The following ANOS1 variants were observed in gnomAD, a reference collection of about 807,000 sequenced individuals.
The protein encoded by ANOS1 is anosmin 1.
ANOS1 carries 6 observed loss-of-function variants against 59.0 expected under a neutral mutation model. The ratio of observed to expected loss-of-function variants is 0.10; its 90% confidence interval spans 0.06 to 0.20. The LOEUF is 0.20. ANOS1 is among the 10% of genes least tolerant of loss of function. The pLI is 1.00. For missense variants in ANOS1, 433 were observed against 542.3 expected (o/e 0.80, Z 2.00); for synonymous variants, 217 against 223.4 (o/e 0.97, Z 0.25).
chrX:8,668,430 T>TATATATACAC (rs1394731479), intron 2 of ANOS1, among the ~76,000 whole-genome samples: 55 of 80,220 alleles, frequency 6.9e-4, no homozygotes, highest in African/African-American at 1.5e-3. Context: ...TATATATATA[T>TATATATACAC]ACACACACAT....
intron 4 of ANOS1, among the ~76,000 whole-genome samples, chrX:8,593,379 C>T (rs148854226): frequency 4.9e-3 from 543 of 111,604 alleles, no homozygotes; most frequent in Non-Finnish European, 8.5e-3. Flanking sequence ...AAAGGTAAAC[C>T]GGGGAAATGT....
rs756663474 is a variant in ANOS1, at chrX:8,643,654, AG to A, written c.256-19985del. 2.4e-3 allele frequency among the ~76,000 whole-genome samples: 274 copies of A among 112,375 alleles called. 2 individuals are homozygous for A. The highest frequency in any genetic ancestry group is 8.3e-3 in the African/African-American group (256 of 30,984). On this transcript the variant is annotated intron_variant, in intron 2 of 13. Coordinates refer to ENST00000262648, the MANE Select transcript of ANOS1 (RefSeq NM_000216.4). ...TGTGAGGAAAAATGCACATCTGTAA[AG>A]AATCCCTATTAACATAGCTAGACCT...
At chrX:8,621,231 T>A in intron 3 of ANOS1, among the ~76,000 whole-genome samples, 1 of 109,703 alleles carries the variant, frequency 9.1e-6, no homozygotes, top group East Asian at 2.9e-4. Context: ...CTGAGCATGG[T>A]GGTGCACGCC....
intron 2 of ANOS1, among the ~76,000 whole-genome samples, chrX:8,691,834 A>G (rs747492826): frequency 1.2e-4 from 14 of 112,147 alleles, no homozygotes; most frequent in Non-Finnish European, 2.4e-4. Flanking sequence ...TGATCATCAC[A>G]TTTTAACACT....
At chrX:8,672,625 G>A (rs1183141752) in intron 2 of ANOS1, among the ~76,000 whole-genome samples, 18 of 111,862 alleles carry the variant, frequency 1.6e-4, no homozygotes, top group Non-Finnish European at 3.4e-4. Context: ...CTTATCTCCT[G>A]TCTCCTGGAT....
Position 8,731,852 on chromosome X carries a change from G to C in ANOS1, c.185C>G (p.Ser62Cys). 1 of 1,194,227 alleles carries C rather than the reference G, an allele frequency of 8.4e-7. No homozygotes were observed. The highest frequency in any genetic ancestry group is 1.1e-6 in the Non-Finnish European group (1 of 888,127). Residue 62 changes from serine to cysteine, a missense_variant, in exon 1 of 14, where the codon TCC becomes TGC. By Grantham distance (112) the Ser-to-Cys change is moderately radical. Transcript: ENST00000262648. ...RCLSLQITRI[S>C]AFFQHFQNNG... ...TACCTGGAAGTGCTGGAAGAAGGCGGAGATGCGAGTGATCTGCAGGCTCAG... is the reference window on the plus strand; with the variant it reads ...TACCTGGAAGTGCTGGAAGAAGGCGCAGATGCGAGTGATCTGCAGGCTCAG...
chrX:8,727,633 G>A (rs906480199), intron 1 of ANOS1, among the ~76,000 whole-genome samples: 15 of 112,178 alleles, frequency 1.3e-4, no homozygotes, highest in Admixed American at 3.8e-4. Context: ...TACAATCCCC[G>A]GGTGCAGCAG....
chrX:8,539,693 C>T lies in ANOS1; in HGVS notation c.1420G>A (p.Gly474Arg), dbSNP rs755569301. The change falls in exon 10 of 14, where the codon GGA (glycine) becomes AGA (arginine). Residue 474 changes from glycine (G) to arginine (R), a missense_variant. Gly to Arg is a moderately radical substitution (Grantham distance 125). Transcript: ENST00000262648. ...PEACAHNRTT[G>R]SEASSGMTHE... ...GTCATGCCAGATGATGCCTCTGATC[C>T]GGTTGTTCTGTTGTGGGCACACGCT... The T allele has an allele frequency of 1.7e-5, 20 of 1,209,489 alleles. No individual in the cohort carries two copies. The highest frequency in any genetic ancestry group is 1.3e-4 in the Admixed American group (6 of 45,624).
intron 4 of ANOS1, among the ~76,000 whole-genome samples, chrX:8,595,022 C>G (rs984439023): frequency 6.4e-5 from 7 of 108,894 alleles, no homozygotes; most frequent in African/African-American, 2.3e-4. Flanking sequence ...TATTCTGGCC[C>G]GTTCTACAAT....
intron 2 of ANOS1, among the ~76,000 whole-genome samples, chrX:8,695,697 T>TG (rs1488786610): frequency 1.4e-5 from 1 of 71,380 alleles, no homozygotes; most frequent in African/African-American, 6.3e-5. Flanking sequence ...GCTATAAGGG[T>TG]GGAAAAAAAA....
Position 8,568,006 on chromosome X carries a change from A to T in ANOS1, c.1207+226T>A, listed in dbSNP as rs141712813. On this transcript the variant is annotated intron_variant, in intron 8 of 13. Transcript: ENST00000262648. ...ATAAGTTTTCTTAAATTTCCATTAC[A>T]ACACCAAAATTGCACCTACAATAGA... 1.3e-3 allele frequency among the ~76,000 whole-genome samples: 144 copies of T among 112,589 alleles called. No homozygotes were observed. The East Asian group carries it at 0.033, about 25-fold the overall frequency.
intron 2 of ANOS1, among the ~76,000 whole-genome samples, chrX:8,637,245 T>C (rs982119560): frequency 1.8e-5 from 2 of 112,240 alleles, no homozygotes; most frequent in Non-Finnish European, 3.8e-5. Flanking sequence ...TCCTTCATAC[T>C]GTGGGCAATG....
intron 4 of ANOS1, among the ~76,000 whole-genome samples, chrX:8,590,958 TA>T (rs889220262): frequency 8.9e-6 from 1 of 111,961 alleles, no homozygotes; most frequent in African/African-American, 3.2e-5. Flanking sequence ...CTCTGTTTTT[TA>T]AAAAGATAAA....
At chrX:8,718,778 C>T (rs1159285944) in intron 1 of ANOS1, among the ~76,000 whole-genome samples, 1 of 111,725 alleles carries the variant, frequency 9.0e-6, no homozygotes, top group African/African-American at 3.3e-5. Flanking sequence ...GTTTTAGGCA[C>T]AATTACGCCT....
intron 3 of ANOS1, 77 bp from the exon 4 acceptor site, chrX:8,597,333 G>C (rs1930758332): frequency 2.2e-6 from 2 of 896,728 alleles, no homozygotes; most frequent in Admixed American, 5.3e-5. Context: ...CTGAAAGGAA[G>C]TTCAACATTT....
rs988002303 is a variant in ANOS1 at position 8,682,470 on chromosome X, C to A, written c.255+17228G>T. ...ACATGCTATATGGCTGTTCAAGACC[C>A]GTGGGATGCATTAAGCCGTTTAATC... On this transcript the variant is annotated intron_variant, in intron 2 of 13. Coordinates refer to ENST00000262648, the MANE Select transcript of ANOS1 (RefSeq NM_000216.4). Among the ~76,000 whole-genome samples, 4 of 110,658 alleles carry A rather than the reference C, an allele frequency of 3.6e-5. No individual in the cohort carries two copies. The Admixed American group carries it at 3.9e-4, about 11-fold the overall frequency.
At chrX:8,603,863 C>T (rs767157147) in intron 3 of ANOS1, among the ~76,000 whole-genome samples, 1 of 111,623 alleles carries the variant, frequency 9.0e-6, no homozygotes, top group African/African-American at 3.3e-5. Context: ...TACAATGAAA[C>T]CTCAAATATA....
At chrX:8,539,019 T>C (rs1929640860) in intron 10 of ANOS1, among the ~76,000 whole-genome samples, 2 of 112,204 alleles carry the variant, frequency 1.8e-5, no homozygotes, top group South Asian at 3.7e-4. Flanking sequence ...AAGTGTATTA[T>C]ACACTGTATA....
chrX:8,536,675 G>T, intron 11 of ANOS1, 96 bp downstream of exon 11: 1 of 689,505 alleles, frequency 1.5e-6, no homozygotes, highest in Admixed American at 2.6e-5. Flanking sequence ...GGCACTTTTG[G>T]TTTTCACGGT....
Sources: gnomAD v4.1 joint callset for allele counts (sites outside exome capture counted in the v4.1 genomes callset) on GRCh38, gnomAD v4.1.1 for gene constraint, MANE v1.5 for transcripts, NCBI Gene and HGNC (gene_info 2026-07-23, HGNC 2026-07-21) for gene names.